Variants in SNX10 observed in about 807,000 individuals in gnomAD.
SNX10 encodes sorting nexin 10.
SNX10 carries 25 observed loss-of-function variants against 28.5 expected under a neutral mutation model. The observed-to-expected ratio is 0.88, with a 90% CI of 0.64 to 1.22. The LOEUF is 1.22. Among genes scored for constraint, SNX10 ranks in the 50% most tolerant of loss-of-function variants. The probability of loss-of-function intolerance (pLI) is 0.00; values close to 1 mark genes in which losing one functional copy is unlikely to be tolerated. For synonymous variants in SNX10, 62 were observed against 81.4 expected, an observed-to-expected ratio of 0.76 and a Z score of 1.28; for missense variants, 223 against 242.6, an observed-to-expected ratio of 0.92 and a Z score of 0.54.
intron 2 of SNX10, chr7:26,356,972 T>C: frequency 1.4e-6 from 1 of 739,174 alleles, no homozygotes; most frequent in Non-Finnish European, 1.8e-6. Flanking sequence ...AAGTTTGATT[T>C]TCCTTTCCTG....
intron 1 of SNX10, among the ~76,000 whole-genome samples, chr7:26,330,929 C>G (rs1338648487): frequency 6.6e-6 from 1 of 152,114 alleles, no homozygotes; most frequent in Non-Finnish European, 1.5e-5. Context: ...ACAGGAGGAT[C>G]ACTTGAGCCC....
chr7:26,301,380 C>A (rs1425234388), intron 1 of SNX10, among the ~76,000 whole-genome samples: 2 of 152,176 alleles, frequency 1.3e-5, no homozygotes, highest in African/African-American at 4.8e-5. Context: ...AAAGGGAAGT[C>A]TTGAGCTCCT....
At position 26,360,960 on chromosome 7, in the gene SNX10, A is replaced by T. The variant is rs1198828531; in HGVS notation, c.25-15A>T. On this transcript the variant is annotated splice_polypyrimidine_tract_variant and intron_variant, in intron 2 of 6. Coordinates refer to ENST00000338523, the MANE Select transcript of SNX10 (RefSeq NM_013322.3). ...AGTTCTGAAGAATATTTCTTTGTTT[A>T]TGATGCCATTACAGGAATTTGTAAG... 2.5e-6 allele frequency: 4 copies of T among 1,603,590 alleles called. No homozygotes were observed. Among genetic ancestry groups the T allele is most frequent in the Middle Eastern group, 1.7e-4 (1 of 6,018 alleles).
At chr7:26,370,093 C>A (rs1789457700) in intron 5 of SNX10, among the ~76,000 whole-genome samples, 1 of 152,130 alleles carries the variant, frequency 6.6e-6, no homozygotes, top group Non-Finnish European at 1.5e-5. Flanking sequence ...CCAACAGAAA[C>A]AAAGCCACGA....
At chr7:26,339,615 T>C (rs1489106066) in intron 1 of SNX10, among the ~76,000 whole-genome samples, 1 of 146,710 alleles carries the variant, frequency 6.8e-6, no homozygotes, top group Admixed American at 7.0e-5. Context: ...CTGTAACCTC[T>C]GCCTCCCAAG....
intron 1 of SNX10, among the ~76,000 whole-genome samples, chr7:26,295,892 T>C (rs1320893677): frequency 1.3e-5 from 2 of 152,238 alleles, no homozygotes; most frequent in African/African-American, 4.8e-5. Context: ...AGACATGCAT[T>C]GGTTGAGGCA....
At chr7:26,295,616 C>T (rs752381259) in intron 1 of SNX10, among the ~76,000 whole-genome samples, 1 of 152,194 alleles carries the variant, frequency 6.6e-6, no homozygotes, top group Non-Finnish European at 1.5e-5. Context: ...ATATTCTTTC[C>T]ATTATAGCCT....
chr7:26,311,164 T>A (rs921405330), intron 1 of SNX10, among the ~76,000 whole-genome samples: 1 of 152,094 alleles, frequency 6.6e-6, no homozygotes, highest in Admixed American at 6.5e-5. Context: ...TTTCTTTTTA[T>A]TTTTGAGACA....
intron 1 of SNX10, among the ~76,000 whole-genome samples, chr7:26,312,684 T>C (rs1761765479): frequency 6.6e-6 from 1 of 152,126 alleles, no homozygotes; most frequent in Non-Finnish European, 1.5e-5. Flanking sequence ...CTCAAGAGGC[T>C]GAGGCAAGAG....
intron 1 of SNX10, among the ~76,000 whole-genome samples, chr7:26,301,851 C>T (rs1302902385): frequency 6.6e-6 from 1 of 152,066 alleles, no homozygotes; most frequent in Non-Finnish European, 1.5e-5. Flanking sequence ...TTTTAAGAGT[C>T]CCACCATTGA....
intron 5 of SNX10, 61 bp from the exon 6 acceptor site, chr7:26,371,760 C>A: frequency 8.4e-7 from 1 of 1,197,416 alleles, no homozygotes; most frequent in Non-Finnish European, 1.2e-6. Context: ...GTTTTTCTTT[C>A]TTCTACCCTA....
intron 2 of SNX10, among the ~76,000 whole-genome samples, chr7:26,346,981 C>T (rs1422985290): frequency 6.6e-6 from 1 of 152,230 alleles, no homozygotes; most frequent in Non-Finnish European, 1.5e-5. Flanking sequence ...GTAGGACAGC[C>T]CTCATGCCAG....
intron 1 of SNX10, among the ~76,000 whole-genome samples, chr7:26,344,926 T>A (rs1321002512): frequency 1.3e-5 from 2 of 152,248 alleles, no homozygotes; most frequent in African/African-American, 4.8e-5. Flanking sequence ...AGCAGAGCCC[T>A]GCTCCCCTGC....
intron 1 of SNX10, among the ~76,000 whole-genome samples, chr7:26,339,345 C>T (rs1401971108): frequency 6.6e-6 from 1 of 152,168 alleles, no homozygotes; most frequent in Non-Finnish European, 1.5e-5. Context: ...CCTCCCACCT[C>T]AGCATCCCAA....
chr7:26,313,233 G>T (rs992648816), intron 1 of SNX10, among the ~76,000 whole-genome samples: 1 of 152,168 alleles, frequency 6.6e-6, no homozygotes, highest in Non-Finnish European at 1.5e-5. Flanking sequence ...ACATTTTATT[G>T]TGATTAGAAT....
chr7:26,364,681 G>C lies in SNX10; in HGVS notation c.212+46G>C, dbSNP rs767968552. The C allele has an allele frequency of 2.2e-6, 3 of 1,371,736 alleles. No individual in the cohort carries two copies. The highest frequency in any genetic ancestry group is 3.1e-6 in the Non-Finnish European group (3 of 979,214). 85.0% of individuals were successfully genotyped at this position (1,371,736 alleles called of 1,614,324 possible). A position where few individuals can be genotyped will look rare whatever the true frequency, so the allele number is the denominator to read the frequency against. On this transcript the variant is annotated intron_variant, in intron 4 of 6. Coordinates refer to ENST00000338523, the MANE Select transcript of SNX10 (RefSeq NM_013322.3). The surrounding 1 kb of genome is among the most constrained non-coding windows in gnomAD (Gnocchi z 4.9). Reference sequence around the variant, plus strand: ...TGTGGAGACTTTGTCATTATATTCAGTATTTAAAATTGACGTTCATTAAGA... The same window carrying C: ...TGTGGAGACTTTGTCATTATATTCACTATTTAAAATTGACGTTCATTAAGA...
At chr7:26,319,502 CA>C (rs1324875100) in intron 1 of SNX10, among the ~76,000 whole-genome samples, 1 of 152,070 alleles carries the variant, frequency 6.6e-6, no homozygotes, top group African/African-American at 2.4e-5. Flanking sequence ...CAGAGATGGG[CA>C]GAGTTGGAAA....
At position 26,312,733 on chromosome 7, in the gene SNX10, G is replaced by A. The variant is rs573525322; in HGVS notation, c.-24+20647G>A. On this transcript the variant is annotated intron_variant, in intron 1 of 6. Transcript: ENST00000338523. Reference sequence around the variant, plus strand: ...CGGGAGGCGGAGGTTGCAGTGAGCCGAGATCACGCCACTGCACTCCAGCCT... The same window carrying A: ...CGGGAGGCGGAGGTTGCAGTGAGCCAAGATCACGCCACTGCACTCCAGCCT... Among the ~76,000 whole-genome samples the A allele has an allele frequency of 4.6e-5, 7 of 152,212 alleles. 1 individual carries two copies. The East Asian group carries it at 1.4e-3, about 29-fold the overall frequency.
At chr7:26,335,679 A>G (rs1322740613) in intron 1 of SNX10, among the ~76,000 whole-genome samples, 2 of 152,048 alleles carry the variant, frequency 1.3e-5, no homozygotes, top group Non-Finnish European at 2.9e-5. Context: ...CAGATACGGG[A>G]AAACTTGGCA....
Sources: allele counts gnomAD v4.1 joint callset (sites outside exome capture counted in the v4.1 genomes callset), GRCh38; gene constraint gnomAD v4.1.1; non-coding constraint Gnocchi (gnomAD v3.1); transcripts MANE v1.5; gene names NCBI Gene and HGNC (gene_info 2026-07-23, HGNC 2026-07-21).